Variants in EML5 observed in about 807,000 individuals in gnomAD.
The protein encoded by EML5 is echinoderm microtubule-associated protein-like 5.
In EML5, 120 loss-of-function variants were observed where a neutral mutation model predicts 250.0. The ratio of observed to expected loss-of-function variants is 0.48; its 90% CI spans 0.41 to 0.56. The LOEUF (loss-of-function observed/expected upper bound fraction) is 0.56. Among genes scored for constraint, EML5 ranks in the 20% least tolerant of loss-of-function variants. The pLI is 0.00. For missense variants in EML5, 2,006 were observed against 2,437.6 expected (o/e 0.82, Z 3.73); for synonymous variants, 771 against 806.5 (o/e 0.96, Z 0.75).
intron 2 of EML5, among the ~76,000 whole-genome samples, chr14:88,748,967 T>C (rs759707510): frequency 1.3e-5 from 2 of 151,208 alleles, no homozygotes; most frequent in African/African-American, 2.4e-5. Flanking sequence ...CAGGTAATCA[T>C]GGCTCTAGAA....
chr14:88,675,080 G>C (rs2092563641), intron 21 of EML5, among the ~76,000 whole-genome samples: 1 of 152,210 alleles, frequency 6.6e-6, no homozygotes, highest in African/African-American at 2.4e-5. Context: ...CTGGCATTCA[G>C]TGCCTGTGGC....
In EML5 at chr14:88,759,698, A is replaced by AAAAACAAAAAAAC. The variant is rs1555374469; in HGVS notation, c.198-5028_198-5027insGTTTTTTTGTTTT. Among the ~76,000 whole-genome samples the AAAAACAAAAAAAC allele has an allele frequency of 1.5e-4, 22 of 142,204 alleles. 1 individual carries two copies. The highest frequency in any genetic ancestry group is 5.4e-4 in the African/African-American group (20 of 37,090). The allele number at this position is 142,204 out of a possible 152,430, so 93.3% of individuals were successfully genotyped here. A position where few individuals can be genotyped will look rare whatever the true frequency, so the allele number is the denominator to read the frequency against. Reference sequence around the variant, plus strand: ...GTCACCATCTCTTAAAAAAAAAAAAAAAAAAACTGGGGAGAAAAACTATGC... The same window carrying AAAAACAAAAAAAC: ...GTCACCATCTCTTAAAAAAAAAAAAAAAAACAAAAAAACAAAAAACTGGGGAGAAAAACTATGC... On this transcript the variant is annotated intron_variant, in intron 1 of 43. Transcript: ENST00000554922.
chr14:88,617,149 TC>T, intron 41 of EML5: 2 of 249,078 alleles, frequency 8.0e-6, no homozygotes, highest in Admixed American at 5.0e-5. Context: ...AACTATTTTT[TC>T]TTTTTTTTTT....
rs181074284 is a variant in EML5 at position 88,640,419 on chromosome 14, G to A, written c.4238-1512C>T. Among the ~76,000 whole-genome samples, 66 of 152,086 alleles carry A rather than the reference G, an allele frequency of 4.3e-4. 1 individual carries two copies. The highest frequency in any genetic ancestry group is 3.5e-3 in the East Asian group (18 of 5,170). On this transcript the variant is annotated intron_variant, in intron 31 of 43. Transcript: ENST00000554922. ...AGAGCTCCCAAAACCACACAATTAC[G>A]TAAAAATTAAATAACTTGCTCCTGA...
At chr14:88,677,372 C>T (rs1203241783) in intron 21 of EML5, among the ~76,000 whole-genome samples, 1 of 152,150 alleles carries the variant, frequency 6.6e-6, no homozygotes, top group Non-Finnish European at 1.5e-5. Context: ...CTAGGCAATA[C>T]CATTCAGGAC....
intron 8 of EML5, among the ~76,000 whole-genome samples, chr14:88,715,734 T>G (rs1021957333): frequency 6.6e-6 from 1 of 151,696 alleles, no homozygotes; most frequent in East Asian, 1.9e-4. Flanking sequence ...CTCGGCTCAC[T>G]GCAACCTCCA....
chr14:88,721,172 T>C lies in EML5; in HGVS notation c.1187+5369A>G, dbSNP rs544566939. ...TCCTGGATAGGAAGAATGAGTATCATGAAAATTGCCATCCTGCCCAAAGTA... is the reference window on the plus strand; with the variant it reads ...TCCTGGATAGGAAGAATGAGTATCACGAAAATTGCCATCCTGCCCAAAGTA... On this transcript the variant is annotated intron_variant, in intron 8 of 43. Transcript: ENST00000554922. Among the ~76,000 whole-genome samples the C allele has an allele frequency of 3.9e-5, 6 of 152,258 alleles. No homozygotes were observed. The South Asian group carries it at 1.0e-3, about 26-fold the overall frequency.
At chr14:88,725,101 T>G (rs957424300) in intron 8 of EML5, among the ~76,000 whole-genome samples, 1 of 152,200 alleles carries the variant, frequency 6.6e-6, no homozygotes, top group Non-Finnish European at 1.5e-5. Flanking sequence ...AGTCAAATTA[T>G]GTCTTTCATA....
Position 88,616,891 on chromosome 14 carries a change from G to A in EML5, c.5643-12C>T, listed in dbSNP as rs762379412. 86 of 1,610,218 alleles carry A rather than the reference G, an allele frequency of 5.3e-5. No homozygotes were observed. The highest frequency in any genetic ancestry group is 4.9e-4 in the Admixed American group (29 of 59,208). On this transcript the variant is annotated splice_polypyrimidine_tract_variant and intron_variant, in intron 41 of 43. Transcript: ENST00000554922. The stretch of plus-strand genomic sequence containing the variant: ...CATCTCCTAGAATACTAGAGGGAAG[G>A]AACAAAAGAAAACTCATCATGGCAA...
chr14:88,659,154 A>T (rs2091978575), intron 25 of EML5, among the ~76,000 whole-genome samples: 1 of 152,180 alleles, frequency 6.6e-6, no homozygotes, highest in African/African-American at 2.4e-5. Context: ...TTCCGTTAAC[A>T]TCTTTTCAAA....
At chr14:88,615,921 T>C in intron 43 of EML5, 67 bp from the exon 44 acceptor site, 1 of 1,534,554 alleles carries the variant, frequency 6.5e-7, no homozygotes, top group Non-Finnish European at 8.9e-7. Context: ...AGTTTAATAT[T>C]TTTCAGTTGT....
chr14:88,705,871 A>G (rs1231980822), intron 11 of EML5: 2 of 586,712 alleles, frequency 3.4e-6, no homozygotes, highest in Admixed American at 4.3e-5. Context: ...AAGTGAATAT[A>G]ACCTATAATT....
chr14:88,700,154 C>T (rs556346497), intron 14 of EML5, among the ~76,000 whole-genome samples: 14 of 152,274 alleles, frequency 9.2e-5, no homozygotes, highest in South Asian at 2.1e-4. Context: ...AATTATAGTA[C>T]AATTAGTCAT....
Position 88,670,875 on chromosome 14 carries a change from AAAG to A in EML5, c.3125-5389_3125-5387del, listed in dbSNP as rs367949027. ...ACACTACAAGATTAGAGAAAAAAAA[AAAG>A]GATGAAAAGGAATGAGCAAAACCTC... On this transcript the variant is annotated intron_variant, in intron 21 of 43. Coordinates refer to ENST00000554922, the MANE Select transcript of EML5 (RefSeq NM_183387.3). Among the ~76,000 whole-genome samples, 1,237 of 152,304 alleles carry A rather than the reference AAAG, an allele frequency of 8.1e-3. 8 individuals carry two copies. Among genetic ancestry groups the A allele is most frequent in the Middle Eastern group, 0.024 (7 of 294 alleles).
intron 19 of EML5, among the ~76,000 whole-genome samples, chr14:88,685,772 T>C (rs115897921): frequency 0.01 from 1,566 of 152,320 alleles, 25 homozygotes; most frequent in African/African-American, 0.036. Context: ...AAATAACTTT[T>C]AGATTGCTTA....
Position 88,754,619 on chromosome 14 carries a change from C to G in EML5, c.250G>C (p.Glu84Gln). 15 of 1,613,094 alleles carry G rather than the reference C, an allele frequency of 9.3e-6. No homozygotes were observed. The highest frequency in any genetic ancestry group is 1.3e-5 in the Non-Finnish European group (15 of 1,179,528). ...GAATCCCAAATACAAATATAAGGCTCTTTCCCAACTTGTCCTGTTGCTACC... is the reference window on the plus strand; with the variant it reads ...GAATCCCAAATACAAATATAAGGCTGTTTCCCAACTTGTCCTGTTGCTACC... ...VLVATGQVGK[E>Q]PYICIWDSYT... is the part of the protein sequence containing the mutation. Residue 84 changes from glutamate to glutamine, a missense_variant, in exon 2 of 44, where the codon GAG (glutamate) becomes CAG (glutamine). Physicochemically the swap from Glu to Gln is conservative, Grantham distance 29 (BLOSUM62 2). Transcript: ENST00000554922.
intron 1 of EML5, among the ~76,000 whole-genome samples, chr14:88,777,046 T>G (rs1047369537): frequency 1.3e-5 from 2 of 151,692 alleles, no homozygotes; most frequent in Non-Finnish European, 2.9e-5. Flanking sequence ...GAAAAAGATA[T>G]CCCCAAACCT....
At chr14:88,647,321 A>G (rs1318177218) in intron 28 of EML5, among the ~76,000 whole-genome samples, 2 of 152,012 alleles carry the variant, frequency 1.3e-5, no homozygotes, top group Non-Finnish European at 2.9e-5. Flanking sequence ...CCAAGACTGC[A>G]TGCGCCACTG....
Position 88,738,866 on chromosome 14 carries a change from GT to G in EML5, c.847+12del, listed in dbSNP as rs763190851. 1.9e-6 allele frequency: 3 copies of G among 1,552,888 alleles called. No homozygotes were observed. Among genetic ancestry groups the G allele is most frequent in the South Asian group, 2.4e-5 (2 of 82,764 alleles). On this transcript the variant is annotated intron_variant, in intron 6 of 43. Coordinates refer to ENST00000554922, the MANE Select transcript of EML5 (RefSeq NM_183387.3). ...GAGTTTGCCTAGTAATAAGACATTTGTTTTGTTATTACCTTTGTATCCCTGG... is the reference window on the plus strand; with the variant it reads ...GAGTTTGCCTAGTAATAAGACATTTGTTTGTTATTACCTTTGTATCCCTGG...
Sources: gnomAD v4.1 joint callset for allele counts (sites outside exome capture counted in the v4.1 genomes callset) on GRCh38, gnomAD v4.1.1 for gene constraint, MANE v1.5 for transcripts, NCBI Gene and HGNC (gene_info 2026-07-23, HGNC 2026-07-21) for gene names.